Variants in RNGTT observed in about 807,000 individuals in gnomAD.
The protein encoded by RNGTT is RNA guanylyltransferase and 5'-phosphatase.
Under a neutral mutation model 79.3 loss-of-function variants are expected in RNGTT, and 33 were observed. The observed-to-expected ratio is 0.42, with a 90% CI of 0.32 to 0.56. The LOEUF (loss-of-function observed/expected upper bound fraction) is 0.56, where lower values mean the gene tolerates loss of function less well. RNGTT is among the 20% of genes least tolerant of loss of function. RNGTT has a pLI of 0.17. For missense variants in RNGTT, 497 were observed against 739.1 expected, an observed-to-expected ratio of 0.67 and a Z score of 3.80; for synonymous variants, 222 against 235.9, an observed-to-expected ratio of 0.94 and a Z score of 0.54.
chr6:88,801,653 T>G, intron 11 of RNGTT, 21 bp from the exon 12 acceptor site: 1 of 1,492,552 alleles, frequency 6.7e-7, no homozygotes, highest in Non-Finnish European at 9.3e-7. Context: ...AATACACATG[T>G]ATTCTTTAAA....
At chr6:88,908,003 G>T (rs565751577) in intron 4 of RNGTT, among the ~76,000 whole-genome samples, 3 of 151,754 alleles carry the variant, frequency 2.0e-5, no homozygotes, top group Non-Finnish European at 4.4e-5. Context: ...CCCAAGTCTG[G>T]GATTACAGGC....
chr6:88,820,018 A>G (rs546292984), intron 11 of RNGTT, among the ~76,000 whole-genome samples: 1 of 152,222 alleles, frequency 6.6e-6, no homozygotes, highest in South Asian at 2.1e-4. Context: ...TAGATATGAG[A>G]TTGTACAGAA....
chr6:88,758,434 C>T (rs543662585), intron 13 of RNGTT, among the ~76,000 whole-genome samples: 15 of 152,222 alleles, frequency 9.9e-5, no homozygotes, highest in South Asian at 8.3e-4. Flanking sequence ...ATACTTTCGT[C>T]GAAAGGTGTC....
intron 11 of RNGTT, among the ~76,000 whole-genome samples, chr6:88,837,823 T>C (rs1781133955): frequency 6.6e-6 from 1 of 152,078 alleles, no homozygotes; most frequent in Non-Finnish European, 1.5e-5. Flanking sequence ...AAAACAGATC[T>C]CAGAATTAAA....
rs575296557 is a variant in RNGTT, at chr6:88,744,025, T to C, written c.1439+25749A>G. 3.9e-5 allele frequency among the ~76,000 whole-genome samples: 6 copies of C among 152,300 alleles called. No homozygotes were observed. In the East Asian group the frequency reaches 1.2e-3, roughly 29 times the overall value. On this transcript the variant is annotated intron_variant, in intron 13 of 15. Coordinates refer to ENST00000369485, the MANE Select transcript of RNGTT (RefSeq NM_003800.5). Reference sequence around the variant, plus strand: ...ATTTTGTTGGTACTCTTCACCTTTTTTCCCCCAAAGAAATAAAAATACCAT... The same window carrying C: ...ATTTTGTTGGTACTCTTCACCTTTTCTCCCCCAAAGAAATAAAAATACCAT...
In RNGTT at chr6:88,698,118, T is replaced by C. The variant is rs1775769385; in HGVS notation, c.1440-19699A>G. Among the ~76,000 whole-genome samples the C allele has an allele frequency of 1.9e-4, 20 of 106,818 alleles. No homozygotes were observed. The South Asian group carries it at 4.8e-3, about 26-fold the overall frequency. The allele number at this position is 106,818 out of a possible 152,430, so 70.1% of individuals were successfully genotyped here. Reference sequence around the variant, plus strand: ...ATGAAATACATATATATGATATATATATGAAATACATATATATGATATATA... The same window carrying C: ...ATGAAATACATATATATGATATATACATGAAATACATATATATGATATATA... On this transcript the variant is annotated intron_variant, in intron 13 of 15. Transcript: ENST00000369485.
chr6:88,698,293 T>C (rs1208246316), intron 13 of RNGTT, among the ~76,000 whole-genome samples: 3 of 124,816 alleles, frequency 2.4e-5, no homozygotes, highest in Admixed American at 8.2e-5. Flanking sequence ...ATATATATCA[T>C]ATATATATGA....
At chr6:88,685,323 A>G (rs1455140916) in intron 13 of RNGTT, among the ~76,000 whole-genome samples, 1 of 152,208 alleles carries the variant, frequency 6.6e-6, no homozygotes, top group Non-Finnish European at 1.5e-5. Flanking sequence ...TTGTCCATCA[A>G]TTGTAACAAA....
intron 14 of RNGTT, among the ~76,000 whole-genome samples, chr6:88,621,083 G>A (rs137963857): frequency 6.6e-6 from 1 of 152,260 alleles, no homozygotes; most frequent in African/African-American, 2.4e-5. Flanking sequence ...TGGCTTGGAG[G>A]TGCTGTGTAT....
chr6:88,945,584 C>T (rs138086404), intron 1 of RNGTT, among the ~76,000 whole-genome samples: 1 of 152,306 alleles, frequency 6.6e-6, no homozygotes, highest in African/African-American at 2.4e-5. Context: ...ATGGGTTCCA[C>T]TGTGGACCTT....
At chr6:88,654,769 G>A (rs1181571184) in intron 14 of RNGTT, among the ~76,000 whole-genome samples, 1 of 152,138 alleles carries the variant, frequency 6.6e-6, no homozygotes, top group Non-Finnish European at 1.5e-5. Flanking sequence ...CTACCCTGAA[G>A]CAGTGTTTGC....
At chr6:88,843,023 C>A (rs535916365) in intron 11 of RNGTT, among the ~76,000 whole-genome samples, 1 of 151,778 alleles carries the variant, frequency 6.6e-6, no homozygotes, top group Admixed American at 6.6e-5. Context: ...TGTGGTGAGC[C>A]GAGATGGCAC....
chr6:88,910,088 G>A (rs1562315325), intron 4 of RNGTT, among the ~76,000 whole-genome samples: 1 of 152,112 alleles, frequency 6.6e-6, no homozygotes, highest in Non-Finnish European at 1.5e-5. Flanking sequence ...AGAGTGTTTT[G>A]TTATTTCCAA....
chr6:88,870,563 C>A (rs1782322017), intron 8 of RNGTT, among the ~76,000 whole-genome samples: 1 of 151,050 alleles, frequency 6.6e-6, no homozygotes, highest in African/African-American at 2.4e-5. Flanking sequence ...TCATATCATT[C>A]TTCCCTTCTG....
chr6:88,750,393 G>A (rs1777802755), intron 13 of RNGTT, among the ~76,000 whole-genome samples: 1 of 152,054 alleles, frequency 6.6e-6, no homozygotes, highest in Non-Finnish European at 1.5e-5. Flanking sequence ...ACAGAACAGA[G>A]GCAAGTCAAT....
rs538926375 is a variant in RNGTT, at chr6:88,932,108, T to C, written c.175-2841A>G. Among the ~76,000 whole-genome samples the C allele has an allele frequency of 5.9e-5, 9 of 152,214 alleles. No homozygotes were observed. In the South Asian group the frequency reaches 1.9e-3, roughly 32 times the overall value. On this transcript the variant is annotated intron_variant, in intron 2 of 15. Coordinates refer to ENST00000369485, the MANE Select transcript of RNGTT (RefSeq NM_003800.5). ...TGAATTCTCTCCCCAGTAAGGAATA[T>C]TAATAATTAACAGCCCTGGGAAAAG...
At chr6:88,864,549 T>C (rs1226743635) in intron 8 of RNGTT, among the ~76,000 whole-genome samples, 1 of 152,134 alleles carries the variant, frequency 6.6e-6, no homozygotes, top group Non-Finnish European at 1.5e-5. Context: ...ACTAATTATG[T>C]AACTTTGCAC....
At chr6:88,837,092 G>C in intron 11 of RNGTT, among the ~76,000 whole-genome samples, 1 of 152,124 alleles carries the variant, frequency 6.6e-6, no homozygotes, top group East Asian at 1.9e-4. Context: ...TAATTCCAAT[G>C]TTTTTATTAA....
At chr6:88,771,309 GTGTGTGTATATATATA>G (rs1554215711) in intron 12 of RNGTT, among the ~76,000 whole-genome samples, 3,815 of 87,328 alleles carry the variant, frequency 0.044, 111 homozygotes, top group South Asian at 0.097. Flanking sequence ...ATGTATGTGT[GTGTGTGTATATATATA>G]TATATATATA....
Sources: allele counts gnomAD v4.1 joint callset (sites outside exome capture counted in the v4.1 genomes callset), GRCh38; gene constraint gnomAD v4.1.1; transcripts MANE v1.5; gene names NCBI Gene and HGNC (gene_info 2026-07-23, HGNC 2026-07-21).